Variants in VPS28 observed in about 807,000 individuals in gnomAD.
The protein encoded by VPS28 is VPS28 subunit of ESCRT-I.
Under a neutral mutation model 33.7 loss-of-function variants are expected in VPS28, and 29 were observed. That is an observed-to-expected ratio of 0.86 (90% confidence interval 0.64 to 1.17). VPS28 has a LOEUF of 1.17. Among genes scored for constraint, VPS28 ranks in the 50% most tolerant of loss-of-function variants. The pLI is 0.00. For missense variants in VPS28, 247 were observed against 312.2 expected, an observed-to-expected ratio of 0.79 and a Z score of 1.57; for synonymous variants, 164 against 116.7, an observed-to-expected ratio of 1.40 and a Z score of -2.61.
chr8:144,425,943 G>A (rs1426852073), intron 4 of VPS28, 83 bp downstream of exon 4: 1 of 1,472,762 alleles, frequency 6.8e-7, no homozygotes, highest in Non-Finnish European at 9.0e-7. Flanking sequence ...CCACCCCTCA[G>A]TTTGGGGTGG....
chr8:144,424,972 T>C lies in VPS28; in HGVS notation c.274A>G (p.Ile92Val), dbSNP rs782632186. 12 of 1,565,382 alleles carry C rather than the reference T, an allele frequency of 7.7e-6. No individual in the cohort carries two copies. The highest frequency in any genetic ancestry group is 1.2e-5 in the South Asian group (1 of 86,062). ...RQVQGSEISSIDEFCRKFRLD... is the reference protein window; with the variant it reads ...RQVQGSEISSVDEFCRKFRLD... ...CGGAACTTGCGGCAGAATTCGTCAA[T>C]AGAGCTGATTTCTGAGCCCTGGACC... The change falls in exon 6 of 10, where the codon ATT becomes GTT. Residue 92 changes from isoleucine to valine, a missense_variant. Coordinates refer to ENST00000292510, the MANE Select transcript of VPS28 (RefSeq NM_016208.4).
Position 144,424,838 on chromosome 8 carries a change from G to A in VPS28, c.301-19C>T, listed in dbSNP as rs782502431. The A allele has an allele frequency of 6.8e-6, 11 of 1,613,658 alleles. No individual in the cohort carries two copies. In the East Asian group the frequency reaches 2.2e-4, roughly 33 times the overall value. On this transcript the variant is annotated intron_variant, in intron 6 of 9. Coordinates refer to ENST00000292510, the MANE Select transcript of VPS28 (RefSeq NM_016208.4). ...AGTCCAGCTGTTGGGGGTGACATGG[G>A]TGCTGGGGCTCTCAGGACAGCAAGC...
chr8:144,424,227 G>A lies in VPS28; in HGVS notation c.444C>T (p.Arg148=), dbSNP rs1236223671. 6 of 1,605,720 alleles carry A rather than the reference G, an allele frequency of 3.7e-6. No homozygotes were observed. Among genetic ancestry groups the A allele is most frequent in the South Asian group, 2.2e-5 (2 of 90,298 alleles). The part of the protein sequence containing the change: ...TVMDKLRLEI[R]AMDEIQPDLR... The stretch of plus-strand genomic sequence containing the variant: ...CCAATACCCGCACCTCATCCATGGC[G>A]CGGATCTCCAGACGCAGCTTGTCCA... The change falls in exon 8 of 10, where the codon CGC becomes CGT. Residue 148 remains arginine, a synonymous_variant. Transcript: ENST00000292510.
At chr8:144,425,222 G>C in intron 5 of VPS28, 171 bp from the exon 6 acceptor site, 1 of 628,578 alleles carries the variant, frequency 1.6e-6, no homozygotes, top group Non-Finnish European at 2.8e-6. Flanking sequence ...GAGGCCCTGA[G>C]CACGTAGTGG....
rs1822713392 is a variant in VPS28, at chr8:144,426,030, C to A, written c.100G>T (p.Glu34Ter). The A allele has an allele frequency of 1.3e-6, 2 of 1,522,652 alleles. No individual in the cohort carries two copies. 94.3% of individuals were successfully genotyped at this position (1,522,652 alleles called of 1,614,324 possible). A position where few individuals can be genotyped will look rare whatever the true frequency, so the allele number is the denominator to read the frequency against. The change falls in exon 4 of 10, where the codon GAG becomes TAG. Residue 34 changes from glutamate (E) to a stop codon, truncating the protein, a stop_gained. Coordinates refer to ENST00000292510, the MANE Select transcript of VPS28 (RefSeq NM_016208.4). LOFTEE classifies it high-confidence loss of function. ...AGCCTGGGCGCCTGGACTTACTTCTCCCTCTCCCGGGCGTTCTTGTACAAC... is the reference window on the plus strand; with the variant it reads ...AGCCTGGGCGCCTGGACTTACTTCTACCTCTCCCGGGCGTTCTTGTACAAC... ...VKLYKNAREREKYDNMAELFA... is the reference protein window; with the variant it reads ...VKLYKNARER
chr8:144,424,465 C>T, intron 7 of VPS28, 197 bp from the exon 8 acceptor site: 1 of 814,306 alleles, frequency 1.2e-6, no homozygotes, highest in Middle Eastern at 3.7e-4. Context: ...AGGGTGGGCC[C>T]ACACCCACAC....
chr8:144,426,985 G>A lies in VPS28; in HGVS notation c.-34-6C>T. ...GGGGGGCACAGCACTGAGACCTGGG[G>A]AGCAGAGCCAGGGCCGACTCAAAGA... On this transcript the variant is annotated splice_polypyrimidine_tract_variant and splice_region_variant and intron_variant, in intron 1 of 9. Transcript: ENST00000292510. The A allele has an allele frequency of 6.2e-7, 1 of 1,608,880 alleles. No individual in the cohort carries two copies. The highest frequency in any genetic ancestry group is 8.5e-7 in the Non-Finnish European group (1 of 1,177,944).
chr8:144,424,497 C>T (rs934980894), intron 7 of VPS28: 33 of 786,552 alleles, frequency 4.2e-5, no homozygotes, highest in East Asian at 1.1e-4. Flanking sequence ...GCCAGGACCC[C>T]GCCAGAACGC....
Position 144,425,693 on chromosome 8 carries a change from A to G in VPS28, c.184T>C (p.Ser62Pro). ...GACGTGGGCTCTTACTCGCTGGGGG[A>G]GACACAGTCCTTGATGTAGGCCTTC... ...LEKAYIKDCV[S>P]PSEYTAACSR... The change falls in exon 5 of 10, where the codon TCC becomes CCC. Residue 62 changes from serine to proline, a missense_variant. Ser to Pro is a moderately conservative substitution (Grantham distance 74, BLOSUM62 -1). Around this residue, in one of 3 missense-constraint regions of VPS28, gnomAD observed 149 missense variants for 172.8 expected, o/e 0.86. Transcript: ENST00000292510. 2 of 1,613,706 alleles carry G rather than the reference A, an allele frequency of 1.2e-6. No individual in the cohort carries two copies. Among genetic ancestry groups the G allele is most frequent in the Non-Finnish European group, 8.5e-7 (1 of 1,179,832 alleles).
rs782050923 is a variant in VPS28 at position 144,424,142 on chromosome 8, A to G, written c.457-10T>C. 1.3e-4 allele frequency: 200 copies of G among 1,550,348 alleles called. No individual in the cohort carries two copies. Among genetic ancestry groups the G allele is most frequent in the Non-Finnish European group, 1.6e-4 (187 of 1,144,824 alleles). On this transcript the variant is annotated splice_polypyrimidine_tract_variant and intron_variant, in intron 8 of 9. Transcript: ENST00000292510. ...GCAGGTCGGGCTGGATCTGAGACAC[A>G]CACAGCGGCTGGGACCCCGACGCCG...
chr8:144,427,966 CG>C, intron 1 of VPS28, among the ~76,000 whole-genome samples: 1 of 151,690 alleles, frequency 6.6e-6, no homozygotes, highest in Non-Finnish European at 1.5e-5. Context: ...TGGAGAGGCC[CG>C]GGAGAGCAGC....
chr8:144,427,369 C>T (rs1822843135), intron 1 of VPS28: 1 of 171,954 alleles, frequency 5.8e-6, no homozygotes. Context: ...TCCTGGAGAC[C>T]CAGGGCTCCA....
At position 144,424,208 on chromosome 8, in the gene VPS28, C is replaced by A. The variant is rs1554876029; in HGVS notation, c.456+7G>T. The A allele has an allele frequency of 1.9e-6, 3 of 1,596,912 alleles. No individual in the cohort carries two copies. Among genetic ancestry groups the A allele is most frequent in the Non-Finnish European group, 2.6e-6 (3 of 1,170,636 alleles). ...GCCTAGGCCCCCTGCCAGCCCAATA[C>A]CCGCACCTCATCCATGGCGCGGATC... On this transcript the variant is annotated splice_region_variant and intron_variant, in intron 8 of 9. Transcript: ENST00000292510.
Position 144,424,970 on chromosome 8 carries a change from A to C in VPS28, c.276T>G (p.Ile92Met). Residue 92 changes from isoleucine to methionine, a missense_variant, in exon 6 of 10, where the codon ATT becomes ATG. By Grantham distance (10) the Ile-to-Met change is conservative. Transcript: ENST00000292510. ...CGCGGAACTTGCGGCAGAATTCGTC[A>C]ATAGAGCTGATTTCTGAGCCCTGGA... ...RQVQGSEISSIDEFCRKFRLD... is the reference protein window; with the variant it reads ...RQVQGSEISSMDEFCRKFRLD... 1 of 1,566,196 alleles carries C rather than the reference A, an allele frequency of 6.4e-7. No individual in the cohort carries two copies. Among genetic ancestry groups the C allele is most frequent in the Non-Finnish European group, 8.7e-7 (1 of 1,154,440 alleles).
rs782531768 is a variant in VPS28 at position 144,424,978 on chromosome 8, T to C, written c.268A>G (p.Ser90Gly). 2 of 1,563,174 alleles carry C rather than the reference T, an allele frequency of 1.3e-6. No individual in the cohort carries two copies. The highest frequency in any genetic ancestry group is 1.2e-5 in the South Asian group (1 of 85,728). Residue 90 changes from serine (S) to glycine (G), a missense_variant, in exon 6 of 10, where the codon AGC becomes GGC. Around this residue, in one of 3 missense-constraint regions of VPS28, gnomAD observed 149 missense variants for 172.8 expected, o/e 0.86. Coordinates refer to ENST00000292510, the MANE Select transcript of VPS28 (RefSeq NM_016208.4). ...TTGCGGCAGAATTCGTCAATAGAGC[T>C]GATTTCTGAGCCCTGGACCTGCCTG... ...AFRQVQGSEI[S>G]SIDEFCRKFR...
intron 2 of VPS28, chr8:144,426,652 A>G (rs1822771215): frequency 3.9e-6 from 2 of 511,158 alleles, no homozygotes; most frequent in Non-Finnish European, 7.0e-6. Context: ...GGGATTGGTG[A>G]CACAGGGTGC....
At position 144,426,997 on chromosome 8, in the gene VPS28, G is replaced by A. The variant is rs1020185265; in HGVS notation, c.-34-18C>T. 2 of 1,600,148 alleles carry A rather than the reference G, an allele frequency of 1.2e-6. No individual in the cohort carries two copies. Among genetic ancestry groups the A allele is most frequent in the Non-Finnish European group, 1.7e-6 (2 of 1,173,570 alleles). On this transcript the variant is annotated intron_variant, in intron 1 of 9. Coordinates refer to ENST00000292510, the MANE Select transcript of VPS28 (RefSeq NM_016208.4). ...ACTGAGACCTGGGGAGCAGAGCCAG[G>A]GCCGACTCAAAGATGGCCCCTAAGC... is the stretch of plus-strand genomic sequence containing the variant.
At chr8:144,427,067 A>C in intron 1 of VPS28, 88 bp from the exon 2 acceptor site, 1 of 981,454 alleles carries the variant, frequency 1.0e-6, no homozygotes, top group Admixed American at 2.5e-5. Context: ...TGGGAGGCCG[A>C]GGTGAGCGGA....
Position 144,426,980 on chromosome 8 carries a change from C to G in VPS28, c.-34-1G>C, listed in dbSNP as rs1383519644. 16 of 1,610,068 alleles carry G rather than the reference C, an allele frequency of 9.9e-6. No individual in the cohort carries two copies. The highest frequency in any genetic ancestry group is 1.3e-5 in the Non-Finnish European group (15 of 1,178,600). On this transcript the variant is annotated splice_acceptor_variant, in intron 1 of 9. Transcript: ENST00000292510. LOFTEE classifies it low-confidence loss of function (5UTR_SPLICE). ...TCTGGGGGGGGCACAGCACTGAGAC[C>G]TGGGGAGCAGAGCCAGGGCCGACTC...
Sources: gnomAD v4.1 joint callset for allele counts (sites outside exome capture counted in the v4.1 genomes callset) on GRCh38, gnomAD v4.1.1 for gene constraint, gnomAD v4.1.1 regional missense constraint, MANE v1.5 for transcripts, NCBI Gene and HGNC (gene_info 2026-07-23, HGNC 2026-07-21) for gene names.